TBRG1: variants seen among roughly 807,000 people sequenced by gnomAD.
The protein encoded by TBRG1 is transforming growth factor beta regulator 1.
In TBRG1, 31 loss-of-function variants were observed where a neutral mutation model predicts 44.0. That is an observed-to-expected ratio of 0.70 (90% confidence interval 0.53 to 0.95). TBRG1 has a LOEUF of 0.95. Ranked by LOEUF, TBRG1 falls within the 40% of genes least tolerant of loss-of-function variation. The pLI is 0.00. For synonymous variants in TBRG1, 171 were observed against 188.1 expected (o/e 0.91, Z 0.74); for missense variants, 487 against 496.1 (o/e 0.98, Z 0.18).
chr11:124,627,936 G>C (rs547723895), intron 5 of TBRG1, among the ~76,000 whole-genome samples: 24 of 151,502 alleles, frequency 1.6e-4, no homozygotes, highest in African/African-American at 4.6e-4. Context: ...GAACATTTTT[G>C]AAAAAGAAGA....
intron 1 of TBRG1, among the ~76,000 whole-genome samples, chr11:124,623,728 A>C (rs901065924): frequency 3.3e-5 from 5 of 152,064 alleles, no homozygotes; most frequent in African/African-American, 1.2e-4. Context: ...CCCATAACTG[A>C]CCCTTTGCCC....
intron 1 of TBRG1, chr11:124,623,506 G>A (rs1233089070): frequency 2.0e-6 from 1 of 506,382 alleles, no homozygotes; most frequent in African/African-American, 1.9e-5. Context: ...ATAAATTTTA[G>A]TCATCGTTGT....
intron 5 of TBRG1, 97 bp from the exon 6 acceptor site, chr11:124,630,291 G>A (rs1294952379): frequency 2.4e-6 from 2 of 843,536 alleles, no homozygotes; most frequent in Admixed American, 1.7e-5. Context: ...GTATACGTCA[G>A]CTTCACGTTC....
At chr11:124,625,113 C>T (rs1307797552) in intron 2 of TBRG1, 112 bp downstream of exon 2, 8 of 720,848 alleles carry the variant, frequency 1.1e-5, no homozygotes, top group South Asian at 1.8e-5. Flanking sequence ...TGATGCGTAT[C>T]GCACAGCCCC....
chr11:124,624,800 C>T, intron 1 of TBRG1, 131 bp from the exon 2 acceptor site: 2 of 658,700 alleles, frequency 3.0e-6, no homozygotes, highest in South Asian at 3.7e-5. Flanking sequence ...TATAGTTTGT[C>T]ACACGGTCGA....
Position 124,635,537 on chromosome 11 carries a change from A to G in TBRG1, c.*3299A>G, listed in dbSNP as rs1436043758. 1.3e-5 allele frequency: 2 copies of G among 152,230 alleles called. No homozygotes were observed. The highest frequency in any genetic ancestry group is 2.4e-5 in the African/African-American group (1 of 41,474). The allele number at this position is 152,230 out of a possible 1,614,324, so 9.4% of individuals were successfully genotyped here. A position where few individuals can be genotyped will look rare whatever the true frequency, so the allele number is the denominator to read the frequency against. On this transcript the variant is annotated 3_prime_UTR_variant, in exon 9 of 9. Transcript: ENST00000441174. ...AAAAAGTTCCTAAATTGGGGGAAAC[A>G]TAGTGAATTCCACATAATGTTTTAA...
At chr11:124,623,300 G>T (rs913084043) in intron 1 of TBRG1, 67 bp downstream of exon 1, 1 of 1,516,526 alleles carries the variant, frequency 6.6e-7, no homozygotes, top group Non-Finnish European at 9.0e-7. Flanking sequence ...TCCCCAAGCT[G>T]TTCCCCCTTC....
At position 124,623,248 on chromosome 11, in the gene TBRG1, C is replaced by A. The variant is rs1431968603; in HGVS notation, c.150+15C>A. On this transcript the variant is annotated intron_variant, in intron 1 of 8. Coordinates refer to ENST00000441174, the MANE Select transcript of TBRG1 (RefSeq NM_032811.3). ...CCACGGTGTTTGTGAGTCTGACCCA[C>A]GTTCAGCCGGTCCCCTCCTGGAGAC... is the stretch of plus-strand genomic sequence containing the variant. The A allele has an allele frequency of 6.4e-7, 1 of 1,551,368 alleles. No individual in the cohort carries two copies. Among genetic ancestry groups the A allele is most frequent in the South Asian group, 1.2e-5 (1 of 84,062 alleles).
intron 8 of TBRG1, chr11:124,631,736 A>G (rs189365752): frequency 2.5e-5 from 11 of 437,588 alleles, no homozygotes; most frequent in East Asian, 1.8e-4. Context: ...TAACATTTCA[A>G]GTGAAGTCAG....
At position 124,630,572 on chromosome 11, in the gene TBRG1, A is replaced by G. The variant is rs1337807573; in HGVS notation, c.836+87A>G. ...TCTCTTGCTTTTAATGGGTGGAGAT[A>G]CTTTATTTTATAGAAACCTATCCTG... On this transcript the variant is annotated intron_variant, in intron 6 of 8. Coordinates refer to ENST00000441174, the MANE Select transcript of TBRG1 (RefSeq NM_032811.3). 6.2e-6 allele frequency: 7 copies of G among 1,128,842 alleles called. No individual in the cohort carries two copies. In the South Asian group the frequency reaches 6.3e-5, roughly 10 times the overall value. 69.9% of individuals were successfully genotyped at this position (1,128,842 alleles called of 1,614,324 possible). A position where few individuals can be genotyped will look rare whatever the true frequency, so the allele number is the denominator to read the frequency against.
At chr11:124,629,043 G>A (rs1942549713) in intron 5 of TBRG1, among the ~76,000 whole-genome samples, 1 of 152,152 alleles carries the variant, frequency 6.6e-6, no homozygotes, top group Non-Finnish European at 1.5e-5. Context: ...GTATCTTCAA[G>A]ACTAAAGTAT....
chr11:124,623,353 G>A, intron 1 of TBRG1, 120 bp downstream of exon 1: 1 of 1,102,268 alleles, frequency 9.1e-7, no homozygotes. Flanking sequence ...TTCCGTATAC[G>A]TTACTACTTG....
intron 2 of TBRG1, among the ~76,000 whole-genome samples, chr11:124,625,339 A>G (rs1318063899): frequency 2.0e-5 from 3 of 152,282 alleles, no homozygotes; most frequent in Non-Finnish European, 4.4e-5. Flanking sequence ...CTCGTTCTAC[A>G]AATATTTATT....
chr11:124,625,110 T>C (rs2134324164), intron 2 of TBRG1, 109 bp downstream of exon 2: 1 of 743,352 alleles, frequency 1.3e-6, no homozygotes. Context: ...GATTGATGCG[T>C]ATCGCACAGC....
At chr11:124,625,279 T>C (rs1942439617) in intron 2 of TBRG1, among the ~76,000 whole-genome samples, 1 of 152,246 alleles carries the variant, frequency 6.6e-6, no homozygotes, top group South Asian at 2.1e-4. Flanking sequence ...ACTAAGATTA[T>C]TTAATCTTAT....
At chr11:124,630,571 T>A in intron 6 of TBRG1, 86 bp downstream of exon 6, 1 of 1,124,970 alleles carries the variant, frequency 8.9e-7, no homozygotes, top group Non-Finnish European at 1.4e-6. Flanking sequence ...TGGGTGGAGA[T>A]ACTTTATTTT....
chr11:124,623,491 T>C (rs901101484), intron 1 of TBRG1: 2 of 546,200 alleles, frequency 3.7e-6, no homozygotes, highest in Non-Finnish European at 6.8e-6. Context: ...GTAAAAGACA[T>C]ACCAATAAAT....
chr11:124,628,904 C>T (rs1365685479), intron 5 of TBRG1, among the ~76,000 whole-genome samples: 2 of 151,960 alleles, frequency 1.3e-5, no homozygotes, highest in Non-Finnish European at 2.9e-5. Context: ...GCAGTATTTG[C>T]AATAGCAAGA....
Position 124,629,338 on chromosome 11 carries a change from CA to C in TBRG1, c.739-1040del, listed in dbSNP as rs1017659505. Among the ~76,000 whole-genome samples the C allele has an allele frequency of 8.8e-4, 123 of 139,718 alleles. No individual in the cohort carries two copies. In the South Asian group the frequency reaches 0.025, roughly 28 times the overall value. The allele number at this position is 139,718 out of a possible 152,430, so 91.7% of individuals were successfully genotyped here. A position where few individuals can be genotyped will look rare whatever the true frequency, so the allele number is the denominator to read the frequency against. On this transcript the variant is annotated intron_variant, in intron 5 of 8. Transcript: ENST00000441174. ...TGGGCGACAGAGCAAGATTCCATCT[CA>C]AAAAAAAAAGAAAAAGAAAAAAGAA...
Sources: allele counts gnomAD v4.1 joint callset (sites outside exome capture counted in the v4.1 genomes callset), GRCh38; gene constraint gnomAD v4.1.1; transcripts MANE v1.5; gene names NCBI Gene and HGNC (gene_info 2026-07-23, HGNC 2026-07-21).